Variants in MLIP observed in about 807,000 individuals in gnomAD.
The protein encoded by MLIP is muscular LMNA interacting protein, also known as muscular LMNA-interacting protein.
Under a neutral mutation model 84.8 loss-of-function variants are expected in MLIP, and 79 were observed. The observed-to-expected ratio is 0.93, with a 90% CI of 0.78 to 1.12. MLIP has a LOEUF of 1.12. Ranked by LOEUF, MLIP falls within the 50% of genes most tolerant of loss-of-function variation. The pLI, the probability that MLIP is intolerant of heterozygous loss-of-function variation, is 0.00. For synonymous variants in MLIP, 504 were observed against 463.0 expected (o/e 1.09, Z -1.14); for missense variants, 1,257 against 1,160.6 (o/e 1.08, Z -1.21).
chr6:54,052,009 T>C (rs931230610), intron 1 of MLIP, among the ~76,000 whole-genome samples: 2 of 152,126 alleles, frequency 1.3e-5, no homozygotes, highest in Non-Finnish European at 2.9e-5. Context: ...ATGTAATCAG[T>C]GTCTGATTTT....
chr6:54,033,321 C>CAATG (rs374845513), intron 1 of MLIP, among the ~76,000 whole-genome samples: 67 of 149,818 alleles, frequency 4.5e-4, no homozygotes, highest in Middle Eastern at 3.4e-3. Context: ...GGTTGGAGTG[C>CAATG]AATGGCGCAG....
At chr6:54,257,170 G>A (rs9367556) in intron 12 of MLIP, 138 bp from the exon 13 acceptor site, 94,493 of 628,478 alleles carry the variant, frequency 0.15, 12,057 homozygotes, top group African/African-American at 0.54. Context: ...TTGAATCTTA[G>A]TGTTTATACT....
rs67466778 is a variant in MLIP, at chr6:54,094,590, C to CTT, written c.64-26845_64-26844dup. Among the ~76,000 whole-genome samples the CTT allele has an allele frequency of 1.1e-3, 157 of 145,002 alleles. 2 individuals carry two copies. Among genetic ancestry groups the CTT allele is most frequent in the South Asian group, 2.2e-4 (1 of 4,596 alleles). On this transcript the variant is annotated intron_variant, in intron 1 of 12. Transcript: ENST00000274897. ...GAAAATATATTTGTCTTCTTTCTGA[C>CTT]TTTTTTTTTTTTTAATTTACAAAGC...
At chr6:54,081,140 C>A (rs1767118614) in intron 1 of MLIP, among the ~76,000 whole-genome samples, 1 of 152,150 alleles carries the variant, frequency 6.6e-6, no homozygotes, top group Non-Finnish European at 1.5e-5. Flanking sequence ...GACACTGATG[C>A]CTCATTCTGC....
chr6:54,083,020 A>T (rs1179698165), intron 1 of MLIP, among the ~76,000 whole-genome samples: 3 of 152,158 alleles, frequency 2.0e-5, no homozygotes, highest in Non-Finnish European at 2.9e-5. Context: ...GAGAACAGAA[A>T]TAGAATTTTT....
intron 13 of MLIP, among the ~76,000 whole-genome samples, chr6:54,262,052 T>A (rs145884794): frequency 6.6e-6 from 1 of 152,086 alleles, no homozygotes; most frequent in Non-Finnish European, 1.5e-5. Flanking sequence ...TAGCCACCTT[T>A]CCCAGTCATC....
intron 11 of MLIP, among the ~76,000 whole-genome samples, chr6:54,211,981 A>T (rs1779485644): frequency 6.6e-6 from 1 of 152,138 alleles, no homozygotes; most frequent in Non-Finnish European, 1.5e-5. Flanking sequence ...TCCCTATTTG[A>T]CATAAAAAAA....
In MLIP at chr6:54,170,218, A is replaced by C. The variant is rs181714577; in HGVS notation, c.2544+646A>C. On this transcript the variant is annotated intron_variant, in intron 9 of 13. Coordinates refer to ENST00000502396, the MANE Select transcript of MLIP (RefSeq NM_001281747.2). Reference sequence around the variant, plus strand: ...TTCTGACCAAACGTATTCTAGTAGAAACAAGATTATCTCCTTAGTAAGTGT... The same window carrying C: ...TTCTGACCAAACGTATTCTAGTAGACACAAGATTATCTCCTTAGTAAGTGT... 1.7e-3 allele frequency among the ~76,000 whole-genome samples: 254 copies of C among 151,856 alleles called. 2 individuals carry two copies. Among genetic ancestry groups the C allele is most frequent in the Non-Finnish European group, 1.1e-3 (74 of 67,748 alleles).
chr6:54,224,507 A>G (rs1048005446), intron 11 of MLIP, among the ~76,000 whole-genome samples: 14 of 152,152 alleles, frequency 9.2e-5, no homozygotes, highest in Non-Finnish European at 1.8e-4. Flanking sequence ...TTAAGGAACA[A>G]ATTCAGTTAT....
intron 11 of MLIP, among the ~76,000 whole-genome samples, chr6:54,202,650 T>C (rs1304595414): frequency 2.0e-5 from 3 of 152,084 alleles, no homozygotes; most frequent in Non-Finnish European, 2.9e-5. Context: ...CCCAGCACTT[T>C]GGGAAGCCAA....
At chr6:54,165,776 C>T (rs1052800935) in intron 8 of MLIP, among the ~76,000 whole-genome samples, 2 of 151,744 alleles carry the variant, frequency 1.3e-5, no homozygotes, top group Non-Finnish European at 1.5e-5. Context: ...ATATTTGTGC[C>T]CCACCCACCC....
chr6:54,020,969 A>G (rs1444364534), intron 1 of MLIP, among the ~76,000 whole-genome samples: 1 of 152,244 alleles, frequency 6.6e-6, no homozygotes, highest in Admixed American at 6.5e-5. Flanking sequence ...TTTCAGATAC[A>G]GGAGTTCTGA....
intron 4 of MLIP, among the ~76,000 whole-genome samples, chr6:54,144,493 C>G (rs572267618): frequency 1.3e-5 from 2 of 152,282 alleles, no homozygotes; most frequent in East Asian, 3.9e-4. Flanking sequence ...TGGGATGAAA[C>G]TGTTCCACCT....
upstream of MLIP, among the ~76,000 whole-genome samples, chr6:54,108,155 A>T (rs182551064): frequency 2.2e-3 from 329 of 152,292 alleles, 2 homozygotes; most frequent in African/African-American, 7.2e-3. Context: ...TTTGGATTGT[A>T]TTCATCTATT....
At chr6:54,198,094 C>T (rs767444445) in intron 10 of MLIP, among the ~76,000 whole-genome samples, 24 of 152,106 alleles carry the variant, frequency 1.6e-4, no homozygotes, top group Non-Finnish European at 2.9e-4. Flanking sequence ...TCTATCTCTA[C>T]ATGAGCAGCA....
chr6:54,023,475 T>C (rs9474702), intron 1 of MLIP, among the ~76,000 whole-genome samples: 181 of 152,178 alleles, frequency 1.2e-3, no homozygotes, highest in African/African-American at 4.1e-3. Context: ...GAAAGACTTA[T>C]CCAATGATAT....
At chr6:54,182,194 G>A (rs2150641337) in intron 9 of MLIP, among the ~76,000 whole-genome samples, 1 of 152,332 alleles carries the variant, frequency 6.6e-6, no homozygotes, top group East Asian at 1.9e-4. Context: ...TCCAGCTGCT[G>A]GGATGGGCAG....
At chr6:54,102,560 T>A (rs753224145) in intron 1 of MLIP, among the ~76,000 whole-genome samples, 1 of 152,178 alleles carries the variant, frequency 6.6e-6, no homozygotes, top group East Asian at 1.9e-4. Context: ...ATGTGGTATA[T>A]CTTCAAAGTG....
chr6:54,019,009 C>T (rs368897754), exon 1 of MLIP: 38 of 1,595,036 alleles, frequency 2.4e-5, no homozygotes, highest in Non-Finnish European at 3.2e-5. Context: ...GTCTTTCTCT[C>T]TTTCTCATTC....
Sources: gnomAD v4.1 joint callset for allele counts (sites outside exome capture counted in the v4.1 genomes callset) on GRCh38, gnomAD v4.1.1 for gene constraint, MANE v1.5 for transcripts, NCBI Gene and HGNC (gene_info 2026-07-23, HGNC 2026-07-21) for gene names.